Variants in CNTN5 observed in about 807,000 individuals in gnomAD.
CNTN5 encodes contactin 5.
Under a neutral mutation model 129.1 loss-of-function variants are expected in CNTN5, and 77 were observed. That is an observed-to-expected ratio of 0.60 (90% confidence interval 0.50 to 0.72). The LOEUF (loss-of-function observed/expected upper bound fraction) is 0.72, where lower values mean the gene tolerates loss of function less well. Among genes scored for constraint, CNTN5 ranks in the 30% least tolerant of loss-of-function variants. The pLI is 0.00. For synonymous variants in CNTN5, 509 were observed against 465.6 expected (o/e 1.09, Z -1.20); for missense variants, 1,478 against 1,328.8 (o/e 1.11, Z -1.75).
At chr11:99,951,438 G>T (rs1950673715) in intron 7 of CNTN5, among the ~76,000 whole-genome samples, 2 of 151,910 alleles carry the variant, frequency 1.3e-5, no homozygotes, top group Non-Finnish European at 2.9e-5. Flanking sequence ...AAATCTAGGA[G>T]CCAAAATGAT....
chr11:99,999,570 T>TA (rs1203449018), intron 8 of CNTN5, among the ~76,000 whole-genome samples: 27 of 152,200 alleles, frequency 1.8e-4, no homozygotes, highest in Non-Finnish European at 3.7e-4. Flanking sequence ...GACTGTAAAC[T>TA]AGTTCAACCA....
chr11:99,703,547 G>A (rs532252962), intron 3 of CNTN5, among the ~76,000 whole-genome samples: 3 of 150,928 alleles, frequency 2.0e-5, no homozygotes, highest in African/African-American at 7.2e-5. Flanking sequence ...TACGAGGTAA[G>A]TGTTACTGTT....
At chr11:99,766,828 G>A (rs2135310299) in intron 3 of CNTN5, among the ~76,000 whole-genome samples, 1 of 152,062 alleles carries the variant, frequency 6.6e-6, no homozygotes, top group Non-Finnish European at 1.5e-5. Flanking sequence ...ATAGTCAAGA[G>A]CATTTCACTT....
At chr11:100,224,935 T>C (rs764322580) in intron 16 of CNTN5, 123 bp downstream of exon 16, 102 of 981,596 alleles carry the variant, frequency 1.0e-4, no homozygotes, top group Non-Finnish European at 1.2e-4. Flanking sequence ...TTACAATATA[T>C]GTTATTTTCG....
intron 3 of CNTN5, among the ~76,000 whole-genome samples, chr11:99,793,044 A>G (rs1464247292): frequency 6.6e-6 from 1 of 151,178 alleles, no homozygotes; most frequent in African/African-American, 2.4e-5. Flanking sequence ...TTAGTCTACT[A>G]GCAGTCTATC....
chr11:99,638,444 T>A (rs7103522), intron 3 of CNTN5, among the ~76,000 whole-genome samples: 5,819 of 152,000 alleles, frequency 0.038, 161 homozygotes, highest in Non-Finnish European at 0.05. Flanking sequence ...TTCTCAACAG[T>A]CCCCCAAACT....
intron 8 of CNTN5, among the ~76,000 whole-genome samples, chr11:99,989,017 G>C (rs1271765465): frequency 6.6e-6 from 1 of 152,032 alleles, no homozygotes; most frequent in Non-Finnish European, 1.5e-5. Flanking sequence ...TGATTAATTT[G>C]TCTAATACAT....
At chr11:99,621,549 A>T (rs1950951707) in intron 3 of CNTN5, among the ~76,000 whole-genome samples, 1 of 152,180 alleles carries the variant, frequency 6.6e-6, no homozygotes, top group African/African-American at 2.4e-5. Flanking sequence ...AAATATTAAA[A>T]TATTTGCTTG....
At chr11:99,843,389 G>A (rs1236367615) in intron 4 of CNTN5, among the ~76,000 whole-genome samples, 2 of 152,050 alleles carry the variant, frequency 1.3e-5, no homozygotes, top group Non-Finnish European at 2.9e-5. Context: ...TTTAAAGAAA[G>A]CAAATCATTT....
chr11:99,445,895 C>CAAACA (rs1944045120), intron 2 of CNTN5, among the ~76,000 whole-genome samples: 2 of 152,012 alleles, frequency 1.3e-5, no homozygotes, highest in South Asian at 4.2e-4. Flanking sequence ...ACTAGCCTGA[C>CAAACA]AAACATGGTG....
intron 7 of CNTN5, among the ~76,000 whole-genome samples, chr11:99,945,398 T>C (rs889473060): frequency 2.6e-5 from 4 of 151,970 alleles, no homozygotes; most frequent in African/African-American, 9.7e-5. Flanking sequence ...TAGTTTTAGG[T>C]AAGAGGCTAT....
chr11:99,847,504 T>G (rs1168882055), intron 6 of CNTN5, among the ~76,000 whole-genome samples: 1 of 152,192 alleles, frequency 6.6e-6, no homozygotes, highest in Admixed American at 6.5e-5. Context: ...TGCCCCTCTC[T>G]ACTTTCCACC....
At chr11:100,309,830 A>C (rs575501517) in intron 21 of CNTN5, 1 of 326,304 alleles carries the variant, frequency 3.1e-6, no homozygotes, top group South Asian at 1.2e-4. Context: ...TTGACTGCTA[A>C]TGGTTCTCAG....
intron 3 of CNTN5, among the ~76,000 whole-genome samples, chr11:99,804,201 A>G (rs1946199309): frequency 6.6e-6 from 1 of 152,130 alleles, no homozygotes; most frequent in Non-Finnish European, 1.5e-5. Context: ...AATGTGTTTT[A>G]CAATATGGTA....
At chr11:99,149,426 T>G (rs61891478) in intron 1 of CNTN5, among the ~76,000 whole-genome samples, 9,470 of 152,250 alleles carry the variant, frequency 0.062, 794 homozygotes, top group East Asian at 0.35. Flanking sequence ...TTATAAAAAT[T>G]GCTAGTTTTT....
intron 1 of CNTN5, among the ~76,000 whole-genome samples, chr11:99,056,664 C>A (rs1864636700): frequency 6.6e-6 from 1 of 151,936 alleles, no homozygotes; most frequent in South Asian, 2.1e-4. Flanking sequence ...TAAGTTCATG[C>A]CTCTAGGTCT....
chr11:99,922,261 A>G (rs78731828), intron 7 of CNTN5, among the ~76,000 whole-genome samples: 1,998 of 152,266 alleles, frequency 0.013, 46 homozygotes, highest in African/African-American at 0.046. Flanking sequence ...TCATGAGAAC[A>G]CAATGGGAAA....
chr11:99,201,877 G>C (rs1379930858), intron 1 of CNTN5, among the ~76,000 whole-genome samples: 1 of 152,192 alleles, frequency 6.6e-6, no homozygotes, highest in Non-Finnish European at 1.5e-5. Context: ...TTTTATTCTA[G>C]TGAGACTTTC....
At chr11:100,127,377 C>G (rs919721660) in intron 13 of CNTN5, among the ~76,000 whole-genome samples, 3 of 151,870 alleles carry the variant, frequency 2.0e-5, no homozygotes, top group African/African-American at 7.3e-5. Flanking sequence ...GTTATACGTT[C>G]CTGCTTCATG....
Sources: gnomAD v4.1 joint callset for allele counts (sites outside exome capture counted in the v4.1 genomes callset) on GRCh38, gnomAD v4.1.1 for gene constraint, MANE v1.5 for transcripts, NCBI Gene and HGNC (gene_info 2026-07-23, HGNC 2026-07-21) for gene names.